Variants in PEAK1 observed in about 807,000 individuals in gnomAD.
PEAK1 encodes pseudopodium enriched atypical kinase 1, also known as inactive tyrosine-protein kinase PEAK1.
In PEAK1, 54 loss-of-function variants were observed where a neutral mutation model predicts 124.7. That is an observed-to-expected ratio of 0.43 (90% confidence interval 0.35 to 0.54). PEAK1 has a LOEUF of 0.54. PEAK1 is among the 20% of genes least tolerant of loss of function. The probability of loss-of-function intolerance (pLI) is 0.01; values close to 1 mark genes in which losing one functional copy is unlikely to be tolerated. For missense variants in PEAK1, 2,046 were observed against 2,134.5 expected (o/e 0.96, Z 0.82); for synonymous variants, 719 against 760.0 (o/e 0.95, Z 0.89).
intron 2 of PEAK1, among the ~76,000 whole-genome samples, chr15:77,321,236 C>A (rs1365708663): frequency 6.6e-6 from 1 of 152,216 alleles, no homozygotes; most frequent in Non-Finnish European, 1.5e-5. Context: ...CATCGCCATA[C>A]TGACTTCCAC....
intron 2 of PEAK1, among the ~76,000 whole-genome samples, chr15:77,342,289 C>T (rs1259890122): frequency 6.6e-6 from 1 of 151,772 alleles, no homozygotes; most frequent in African/African-American, 2.4e-5. Context: ...AAATCTGAAA[C>T]TTATACCCAT....
At chr15:77,105,866 G>A (rs1225411105), downstream of PEAK1, 3 of 152,182 alleles carry the variant, frequency 2.0e-5, no homozygotes, top group Non-Finnish European at 2.9e-5. Flanking sequence ...CATCACCTCC[G>A]GACAACCCAG....
intron 7 of PEAK1, chr15:77,177,875 T>C (rs2056980983): frequency 6.6e-6 from 1 of 152,198 alleles, no homozygotes; most frequent in African/African-American, 2.4e-5. Flanking sequence ...AATATAACAA[T>C]TTTTATTGAT....
At chr15:77,360,463 A>C (rs1261488990) in intron 2 of PEAK1, among the ~76,000 whole-genome samples, 2 of 152,218 alleles carry the variant, frequency 1.3e-5, no homozygotes, top group Admixed American at 1.3e-4. Context: ...ATCATTTCTC[A>C]TAAGAGATTT....
intron 1 of PEAK1, among the ~76,000 whole-genome samples, chr15:77,370,162 C>T (rs1026568588): frequency 1.3e-5 from 2 of 152,140 alleles, no homozygotes; most frequent in Admixed American, 6.5e-5. Flanking sequence ...CCTGAAAAAG[C>T]ATCTGTTTTG....
At chr15:77,240,295 G>A (rs2060296039) in intron 6 of PEAK1, among the ~76,000 whole-genome samples, 1 of 151,970 alleles carries the variant, frequency 6.6e-6, no homozygotes, top group South Asian at 2.1e-4. Context: ...TTCAACATTA[G>A]AGAAAAATTA....
chr15:77,274,913 C>A (rs1207357310), intron 5 of PEAK1, among the ~76,000 whole-genome samples: 1 of 152,110 alleles, frequency 6.6e-6, no homozygotes, highest in African/African-American at 2.4e-5. Context: ...ATGGAACCAG[C>A]CCAAATATCC....
intron 1 of PEAK1, among the ~76,000 whole-genome samples, chr15:77,414,183 C>T (rs1196825864): frequency 2.0e-5 from 3 of 147,954 alleles, no homozygotes; most frequent in Non-Finnish European, 4.5e-5. Flanking sequence ...TCCTTTCCTT[C>T]TGTCTTTCCT....
At chr15:77,347,716 T>C (rs1025683619) in intron 2 of PEAK1, 1 of 972,396 alleles carries the variant, frequency 1.0e-6, no homozygotes, top group Non-Finnish European at 1.2e-6. Context: ...AATATTTCCA[T>C]GTTTAAAACT....
At chr15:77,331,149 A>G (rs2065868985) in intron 2 of PEAK1, 1 of 496,920 alleles carries the variant, frequency 2.0e-6, no homozygotes, top group Non-Finnish European at 2.6e-6. Context: ...ATTTATTTTG[A>G]GACGAAGTCT....
In PEAK1 at chr15:77,108,536, G is replaced by A. The variant is rs1031530429; in HGVS notation, c.*5620C>T. The A allele has an allele frequency of 3.3e-5, 5 of 152,146 alleles. No homozygotes were observed. Among genetic ancestry groups the A allele is most frequent in the African/African-American group, 1.2e-4 (5 of 41,408 alleles). 9.4% of individuals were successfully genotyped at this position (152,146 alleles called of 1,614,324 possible). On this transcript the variant is annotated 3_prime_UTR_variant, in exon 10 of 10. Coordinates refer to ENST00000682557, the MANE Select transcript of PEAK1 (RefSeq NM_001385026.1). ...TACATCACACTCTTTAGTTCTAACT[G>A]GTAAAGGAAGGGATAACCAAGTAGT...
chr15:77,204,902 C>T, intron 6 of PEAK1: 1 of 179,488 alleles, frequency 5.6e-6, no homozygotes, highest in East Asian at 1.8e-4. Flanking sequence ...AGACTCTGTC[C>T]AAAAAAAAAG....
At chr15:77,407,619 G>A (rs943094863) in intron 1 of PEAK1, among the ~76,000 whole-genome samples, 11 of 152,098 alleles carry the variant, frequency 7.2e-5, no homozygotes, top group Non-Finnish European at 1.0e-4. Context: ...ATATTGGCAC[G>A]GATGTGGTGA....
At position 77,232,162 on chromosome 15, in the gene PEAK1, T is replaced by G. The variant is rs1355956; in HGVS notation, c.-115+20205A>C. Among the ~76,000 whole-genome samples, 207 of 152,302 alleles carry G rather than the reference T, an allele frequency of 1.4e-3. 1 individual carries two copies. Among genetic ancestry groups the G allele is most frequent in the African/African-American group, 4.9e-3 (202 of 41,570 alleles). On this transcript the variant is annotated intron_variant, in intron 6 of 9. Coordinates refer to ENST00000682557, the MANE Select transcript of PEAK1 (RefSeq NM_001385026.1). Reference sequence around the variant, plus strand: ...ATTTTAATCAGTATTCTCACTTCGCTCTTTACCCATATTAAATTCCATGAA... The same window carrying G: ...ATTTTAATCAGTATTCTCACTTCGCGCTTTACCCATATTAAATTCCATGAA...
rs575370051 is a variant in PEAK1, at chr15:77,317,691, T to C, written c.-602-31187A>G. 1.9e-4 allele frequency among the ~76,000 whole-genome samples: 29 copies of C among 152,338 alleles called. No individual in the cohort carries two copies. The East Asian group carries it at 3.3e-3, about 17-fold the overall frequency. On this transcript the variant is annotated intron_variant, in intron 2 of 9. Coordinates refer to ENST00000682557, the MANE Select transcript of PEAK1 (RefSeq NM_001385026.1). ...ACAGTTCAGCAACAAATTATCAAAG[T>C]TGAGATATCATATGTACTATAAAAT...
intron 6 of PEAK1, among the ~76,000 whole-genome samples, chr15:77,251,648 C>T (rs933158529): frequency 1.3e-5 from 2 of 152,006 alleles, no homozygotes; most frequent in Non-Finnish European, 2.9e-5. Context: ...AGGTAGGAGG[C>T]GGGACTTTAC....
chr15:77,380,702 C>T (rs987616304), intron 1 of PEAK1, among the ~76,000 whole-genome samples: 3 of 152,130 alleles, frequency 2.0e-5, no homozygotes, highest in Non-Finnish European at 4.4e-5. Context: ...TGGTTTCAAA[C>T]TCCTGGGCTC....
At chr15:77,194,460 C>T (rs570953079) in intron 6 of PEAK1, among the ~76,000 whole-genome samples, 1 of 152,108 alleles carries the variant, frequency 6.6e-6, no homozygotes, top group Non-Finnish European at 1.5e-5. Flanking sequence ...GCCATTATCT[C>T]CTCCATGTCC....
chr15:77,175,047 A>G (rs1382065524), intron 7 of PEAK1, among the ~76,000 whole-genome samples: 1 of 151,774 alleles, frequency 6.6e-6, no homozygotes, highest in East Asian at 1.9e-4. Context: ...CTGGCTAGCC[A>G]TATGTAGAAA....
Sources: allele counts gnomAD v4.1 joint callset (sites outside exome capture counted in the v4.1 genomes callset), GRCh38; gene constraint gnomAD v4.1.1; transcripts MANE v1.5; gene names NCBI Gene and HGNC (gene_info 2026-07-23, HGNC 2026-07-21).